MTHFD1L: variants seen among roughly 807,000 people sequenced by gnomAD.
MTHFD1L encodes methylenetetrahydrofolate dehydrogenase (NADP+ dependent) 1 like.
MTHFD1L carries 81 observed loss-of-function variants against 119.5 expected under a neutral mutation model. The observed-to-expected ratio is 0.68, with a 90% CI of 0.57 to 0.82. MTHFD1L has a LOEUF of 0.82. MTHFD1L is among the 40% of genes least tolerant of loss of function. The probability of loss-of-function intolerance (pLI) is 0.00; values close to 1 mark genes in which losing one functional copy is unlikely to be tolerated. For missense variants in MTHFD1L, 1,125 were observed against 1,253.4 expected (o/e 0.90, Z 1.55); for synonymous variants, 430 against 475.2 (o/e 0.90, Z 1.24).
intron 24 of MTHFD1L, among the ~76,000 whole-genome samples, chr6:151,020,013 C>T (rs1168656745): frequency 6.6e-6 from 1 of 152,186 alleles, no homozygotes; most frequent in Admixed American, 6.5e-5. Flanking sequence ...TGGCATTGCT[C>T]TATAGGAGAA....
rs1794492344 is a variant in MTHFD1L at position 150,949,141 on chromosome 6, CTGG to C, written c.1726+9_1726+11del. 1 of 1,612,826 alleles carries C rather than the reference CTGG, an allele frequency of 6.2e-7. No individual in the cohort carries two copies. Among genetic ancestry groups the C allele is most frequent in the Non-Finnish European group, 8.5e-7 (1 of 1,179,110 alleles). Reference sequence around the variant, plus strand: ...CCATCACGTGGCAGAGAGGTGGGTGCTGGGGAGATGCCAGCAGGCTGATGGCCA... The same window carrying C: ...CCATCACGTGGCAGAGAGGTGGGTGCGGAGATGCCAGCAGGCTGATGGCCA... On this transcript the variant is annotated intron_variant, in intron 16 of 27. Coordinates refer to ENST00000367321, the MANE Select transcript of MTHFD1L (RefSeq NM_015440.5).
intron 8 of MTHFD1L, among the ~76,000 whole-genome samples, chr6:150,907,017 A>G (rs893073076): frequency 6.6e-6 from 1 of 152,128 alleles, no homozygotes; most frequent in Admixed American, 6.6e-5. Context: ...CCCTGAAAAA[A>G]AAAAAAAACA....
intron 27 of MTHFD1L, among the ~76,000 whole-genome samples, chr6:151,100,436 C>A (rs560148085): frequency 6.6e-6 from 1 of 152,242 alleles, no homozygotes; most frequent in East Asian, 1.9e-4. Context: ...TATCTTCTGT[C>A]TAGAAACTAA....
chr6:151,033,206 G>A (rs1785600125), intron 24 of MTHFD1L, among the ~76,000 whole-genome samples: 2 of 151,050 alleles, frequency 1.3e-5, no homozygotes, highest in East Asian at 3.9e-4. Flanking sequence ...TGCAACCTCT[G>A]CCTCCCAGGG....
At position 150,949,057 on chromosome 6, in the gene MTHFD1L, G is replaced by A. The variant is rs143332247; in HGVS notation, c.1650G>A (p.Pro550=). The change falls in exon 16 of 28, where the codon CCG becomes CCA. Residue 550 remains proline, a synonymous_variant. Coordinates refer to ENST00000367321, the MANE Select transcript of MTHFD1L (RefSeq NM_015440.5). ...AACTGGGAATAAATAAGACTGATCC[G>A]AGCACACTGACAGAAGAGGAAGTGA... ...LKKLGINKTD[P]STLTEEEVSK... 2.5e-5 allele frequency: 41 copies of A among 1,613,744 alleles called. No homozygotes were observed. In the East Asian group the frequency reaches 4.2e-4, roughly 17 times the overall value.
chr6:150,890,105 G>A (rs1298741390), intron 7 of MTHFD1L, among the ~76,000 whole-genome samples: 2 of 150,828 alleles, frequency 1.3e-5, no homozygotes, highest in East Asian at 1.9e-4. Flanking sequence ...GCGGTGAGCC[G>A]AGATCACACC....
At position 150,932,891 on chromosome 6, in the gene MTHFD1L, G is replaced by T. The variant is rs527308754; in HGVS notation, c.1257-3913G>T. ...TTAAGGAAAGAAGGAAGGAAGGAAGGAAGGAAAAGAGAGAAAGAAAGAGAA... is the reference window on the plus strand; with the variant it reads ...TTAAGGAAAGAAGGAAGGAAGGAAGTAAGGAAAAGAGAGAAAGAAAGAGAA... On this transcript the variant is annotated intron_variant, in intron 11 of 27. Coordinates refer to ENST00000367321, the MANE Select transcript of MTHFD1L (RefSeq NM_015440.5). Among the ~76,000 whole-genome samples, 81 of 149,934 alleles carry T rather than the reference G, an allele frequency of 5.4e-4. 2 individuals are homozygous for T. The South Asian group carries it at 0.017, about 31-fold the overall frequency.
Position 150,866,067 on chromosome 6 carries a change from C to G in MTHFD1L, c.227+18C>G. 2.0e-6 allele frequency: 3 copies of G among 1,479,902 alleles called. No homozygotes were observed. Among genetic ancestry groups the G allele is most frequent in the Non-Finnish European group, 2.7e-6 (3 of 1,122,682 alleles). 91.7% of individuals were successfully genotyped at this position (1,479,902 alleles called of 1,614,324 possible). A position where few individuals can be genotyped will look rare whatever the true frequency, so the allele number is the denominator to read the frequency against. ...ATCGTCAGGTGAGTGTCGGGTCTGG[C>G]CCTGGCCCAGGTCTCCAGCGGCTGT... is the stretch of plus-strand genomic sequence containing the variant. On this transcript the variant is annotated intron_variant, in intron 1 of 27. Coordinates refer to ENST00000367321, the MANE Select transcript of MTHFD1L (RefSeq NM_015440.5).
At position 150,876,176 on chromosome 6, in the gene MTHFD1L, T is replaced by C. The variant is rs1320855817; in HGVS notation, c.312+2T>C. 2 of 1,582,264 alleles carry C rather than the reference T, an allele frequency of 1.3e-6. No individual in the cohort carries two copies. The highest frequency in any genetic ancestry group is 1.2e-5 in the South Asian group (1 of 85,742). On this transcript the variant is annotated splice_donor_variant, in intron 2 of 27. Coordinates refer to ENST00000367321, the MANE Select transcript of MTHFD1L (RefSeq NM_015440.5). LOFTEE classifies it high-confidence loss of function. Reference sequence around the variant, plus strand: ...AAGCCGGTTCTTGCAATTATCCAGGTAAGCCGAGAACAAGGTTCAGTCCTA... The same window carrying C: ...AAGCCGGTTCTTGCAATTATCCAGGCAAGCCGAGAACAAGGTTCAGTCCTA...
intron 26 of MTHFD1L, among the ~76,000 whole-genome samples, chr6:151,067,288 C>G (rs951759767): frequency 6.6e-6 from 1 of 151,870 alleles, no homozygotes; most frequent in Non-Finnish European, 1.5e-5. Context: ...ATTGGTTTGA[C>G]CAGTTAAAAA....
At chr6:150,893,676 G>A (rs961578230) in intron 7 of MTHFD1L, among the ~76,000 whole-genome samples, 5 of 152,108 alleles carry the variant, frequency 3.3e-5, no homozygotes, top group Non-Finnish European at 7.4e-5. Flanking sequence ...TAACACTAGA[G>A]TTCTATCTAC....
chr6:151,054,043 T>C (rs2128585133), intron 26 of MTHFD1L, among the ~76,000 whole-genome samples: 1 of 152,314 alleles, frequency 6.6e-6, no homozygotes, highest in East Asian at 1.9e-4. Flanking sequence ...AAGAGTGGAA[T>C]GTGCTCCTAT....
At chr6:151,015,036 C>T (rs1471757745) in intron 23 of MTHFD1L, 56 bp downstream of exon 23, 10 of 1,399,836 alleles carry the variant, frequency 7.1e-6, no homozygotes, top group African/African-American at 1.4e-5. Context: ...ACCCTGTGAA[C>T]GATATTTGTG....
intron 26 of MTHFD1L, among the ~76,000 whole-genome samples, chr6:151,040,687 T>C (rs552272565): frequency 2.0e-5 from 3 of 152,306 alleles, no homozygotes; most frequent in African/African-American, 7.2e-5. Context: ...GCCTGGGAGA[T>C]AGAGTGAGAT....
At chr6:151,009,794 A>G (rs767492161) in intron 20 of MTHFD1L, 25 bp from the exon 21 acceptor site, 65 of 1,612,958 alleles carry the variant, frequency 4.0e-5, no homozygotes, top group Non-Finnish European at 5.3e-5. Flanking sequence ...AGATAATAGC[A>G]CATATTCCAC....
At chr6:151,088,218 G>A (rs1794013166) in intron 26 of MTHFD1L, 1 of 152,170 alleles carries the variant, frequency 6.6e-6, no homozygotes, top group African/African-American at 2.4e-5. Context: ...TATTGGAGAT[G>A]GCTGTATATC....
chr6:151,092,376 T>A, intron 26 of MTHFD1L, 91 bp from the exon 27 acceptor site: 1 of 896,344 alleles, frequency 1.1e-6, no homozygotes, highest in South Asian at 1.6e-5. Context: ...TCTATGAGGC[T>A]GTATTGAACG....
chr6:151,101,683 G>A lies in MTHFD1L; in HGVS notation c.*189G>A, dbSNP rs1182326497. 1.3e-5 allele frequency: 2 copies of A among 152,548 alleles called. No individual in the cohort carries two copies. The highest frequency in any genetic ancestry group is 2.4e-5 in the African/African-American group (1 of 41,488). The allele number at this position is 152,548 out of a possible 1,614,324, so 9.4% of individuals were successfully genotyped here. ...CTGTTCACAGTGGAGTATGGTGTTC[G>A]GCAAAAGGACCTCCACCAAGACTGA... is the stretch of plus-strand genomic sequence containing the variant. On this transcript the variant is annotated 3_prime_UTR_variant, in exon 28 of 28. Coordinates refer to ENST00000367321, the MANE Select transcript of MTHFD1L (RefSeq NM_015440.5).
intron 26 of MTHFD1L, among the ~76,000 whole-genome samples, chr6:151,045,193 C>A (rs1234383642): frequency 1.3e-5 from 2 of 152,076 alleles, no homozygotes; most frequent in Non-Finnish European, 2.9e-5. Context: ...AAATGCATGA[C>A]CCTTCACATT....
Sources: allele counts gnomAD v4.1 joint callset (sites outside exome capture counted in the v4.1 genomes callset), GRCh38; gene constraint gnomAD v4.1.1; transcripts MANE v1.5; gene names NCBI Gene and HGNC (gene_info 2026-07-23, HGNC 2026-07-21).